The following DENND5A variants were observed in gnomAD, a reference collection of about 807,000 sequenced individuals.
DENND5A encodes the protein DENN domain containing 5A, also known as DENN domain-containing protein 5A.
Under a neutral mutation model 140.3 loss-of-function variants are expected in DENND5A, and 64 were observed. The observed-to-expected ratio is 0.46, with a 90% CI of 0.37 to 0.56. The LOEUF is 0.56. DENND5A is among the 20% of genes least tolerant of loss of function. The pLI is 0.00. For synonymous variants in DENND5A, 605 were observed against 607.7 expected (o/e 1.00, Z 0.07); for missense variants, 1,292 against 1,593.8 (o/e 0.81, Z 3.22).
At chr11:9,251,564 A>T (rs1851721170) in intron 1 of DENND5A, among the ~76,000 whole-genome samples, 1 of 151,982 alleles carries the variant, frequency 6.6e-6, no homozygotes, top group Non-Finnish European at 1.5e-5. Context: ...ACACACTCTC[A>T]TTTTCTGCCA....
rs575986067 is a variant in DENND5A at position 9,165,062 on chromosome 11, C to T, written c.2283+774G>A. ...TCGCCCAGGCTGGAGTGCAATGGCG[C>T]GATCTCGGCTCACTGCAACCTCCGC... is the stretch of plus-strand genomic sequence containing the variant. On this transcript the variant is annotated intron_variant, in intron 11 of 22. Transcript: ENST00000328194. Among the ~76,000 whole-genome samples the T allele has an allele frequency of 1.2e-4, 18 of 152,250 alleles. 1 individual carries two copies. The South Asian group carries it at 3.5e-3, about 30-fold the overall frequency.
In DENND5A at chr11:9,169,932, G is replaced by A. The variant is rs960243198; in HGVS notation, c.2075C>T (p.Ala692Val). Reference sequence around the variant, plus strand: ...ATCTTTCCGCCTCCACTGGGCAGGGGCATTCCTTTTCGTCCACCTAACACA... The same window carrying A: ...ATCTTTCCGCCTCCACTGGGCAGGGACATTCCTTTTCGTCCACCTAACACA... ...PASNKWTKRNAPAQWRRKDRQ... is the reference protein window; with the variant it reads ...PASNKWTKRNVPAQWRRKDRQ... Residue 692 changes from alanine to valine, a missense_variant, in exon 10 of 23, where the codon GCC becomes GTC. Coordinates refer to ENST00000328194, the MANE Select transcript of DENND5A (RefSeq NM_015213.4). The A allele has an allele frequency of 1.2e-6, 2 of 1,613,168 alleles. No individual in the cohort carries two copies. The highest frequency in any genetic ancestry group is 2.2e-5 in the East Asian group (1 of 44,878).
Position 9,203,901 on chromosome 11 carries a change from A to AGG in DENND5A, c.706_707dup (p.Pro237LeufsTer25), listed in dbSNP as rs763919016. On this transcript the variant is annotated frameshift_variant, in exon 4 of 23. Coordinates refer to ENST00000328194, the MANE Select transcript of DENND5A (RefSeq NM_015213.4). LOFTEE classifies it high-confidence loss of function. ...ATATGTAGCTCTCAAGGGGCAGTGG[A>AGG]GGGGGCTGAGGTGAAGTGACTGCCT... 1 of 1,614,050 alleles carries AGG rather than the reference A, an allele frequency of 6.2e-7. No individual in the cohort carries two copies. The highest frequency in any genetic ancestry group is 1.1e-5 in the South Asian group (1 of 91,076).
chr11:9,180,686 T>C (rs1848696698), intron 6 of DENND5A, 81 bp downstream of exon 6: 2 of 1,402,838 alleles, frequency 1.4e-6, no homozygotes, highest in Middle Eastern at 1.9e-4. Context: ...AACTGGGTGC[T>C]TTCTCATCCC....
At position 9,259,040 on chromosome 11, in the gene DENND5A, C is replaced by T. The variant is rs186910460; in HGVS notation, c.109+5921G>A. On this transcript the variant is annotated intron_variant, in intron 1 of 22. Transcript: ENST00000328194. ...CTTTGGGAGGCCGAGGCGGGCAGAT[C>T]AACTGAGGTCAGGAGTTCAAGACCA... 9.1e-3 allele frequency among the ~76,000 whole-genome samples: 1,381 copies of T among 152,260 alleles called. 18 individuals are homozygous for T. The highest frequency in any genetic ancestry group is 0.032 in the African/African-American group (1,332 of 41,544).
At chr11:9,203,457 A>G in intron 4 of DENND5A, 1 of 545,624 alleles carries the variant, frequency 1.8e-6, no homozygotes, top group Non-Finnish European at 3.2e-6. Flanking sequence ...TGGAATGCCC[A>G]GCAAAAGGCC....
At chr11:9,229,939 C>T (rs1341002193) in intron 1 of DENND5A, among the ~76,000 whole-genome samples, 2 of 106,656 alleles carry the variant, frequency 1.9e-5, no homozygotes, top group African/African-American at 3.7e-5. Flanking sequence ...CAGTCTTGCT[C>T]TGTCACCCAG....
In DENND5A at chr11:9,139,665, G is replaced by A. The variant is rs1475750229; in HGVS notation, c.*6C>T. Reference sequence around the variant, plus strand: ...CTCAGTCCTGCTGCTGGCTGGTGCTGGGAGGTCAGATGTCGATGCCCTTGA... The same window carrying A: ...CTCAGTCCTGCTGCTGGCTGGTGCTAGGAGGTCAGATGTCGATGCCCTTGA... On this transcript the variant is annotated 3_prime_UTR_variant, in exon 23 of 23. Transcript: ENST00000328194. 2 of 1,612,142 alleles carry A rather than the reference G, an allele frequency of 1.2e-6. No homozygotes were observed. The highest frequency in any genetic ancestry group is 1.3e-5 in the African/African-American group (1 of 74,886).
intron 12 of DENND5A, among the ~76,000 whole-genome samples, chr11:9,156,641 A>C (rs1364456159): frequency 6.6e-6 from 1 of 151,718 alleles, no homozygotes; most frequent in Non-Finnish European, 1.5e-5. Flanking sequence ...AAAAAAAAAA[A>C]AGATACAAAA....
At chr11:9,231,971 G>C (rs1474707370) in intron 1 of DENND5A, among the ~76,000 whole-genome samples, 1 of 151,924 alleles carries the variant, frequency 6.6e-6, no homozygotes, top group Non-Finnish European at 1.5e-5. Context: ...AGGCCCAGCT[G>C]TGACAGCAAT....
chr11:9,149,918 A>G (rs150905181), intron 15 of DENND5A, among the ~76,000 whole-genome samples, 163 bp downstream of exon 15: 2 of 152,340 alleles, frequency 1.3e-5, no homozygotes, highest in Non-Finnish European at 2.9e-5. Context: ...TCTTCTACTG[A>G]TAAAAAGGGA....
At chr11:9,264,757 C>G (rs1481540769) in intron 1 of DENND5A, among the ~76,000 whole-genome samples, 3 of 152,164 alleles carry the variant, frequency 2.0e-5, no homozygotes, top group Non-Finnish European at 4.4e-5. Context: ...CGCAGCGGGC[C>G]GTAGGTTTGG....
chr11:9,161,753 G>A (rs1847991329), intron 11 of DENND5A, among the ~76,000 whole-genome samples: 1 of 152,066 alleles, frequency 6.6e-6, no homozygotes, highest in Non-Finnish European at 1.5e-5. Context: ...CTAACAATCT[G>A]AGGTAACTAT....
chr11:9,245,055 C>T (rs564325297), intron 1 of DENND5A, among the ~76,000 whole-genome samples: 2 of 151,656 alleles, frequency 1.3e-5, no homozygotes, highest in Non-Finnish European at 2.9e-5. Context: ...GAGGCCAAGG[C>T]GGGTGAATCA....
intron 1 of DENND5A, among the ~76,000 whole-genome samples, chr11:9,244,310 A>G (rs1188355551): frequency 6.6e-6 from 1 of 152,214 alleles, no homozygotes; most frequent in Non-Finnish European, 1.5e-5. Context: ...TGATTAGGCC[A>G]TGAGAGCTGC....
intron 1 of DENND5A, among the ~76,000 whole-genome samples, chr11:9,254,868 C>T (rs577101456): frequency 7.2e-5 from 11 of 151,998 alleles, no homozygotes; most frequent in African/African-American, 2.4e-4. Flanking sequence ...GTCAAGAGTT[C>T]GAGACCAGCC....
intron 21 of DENND5A, 124 bp from the exon 22 acceptor site, chr11:9,142,232 G>T: frequency 1.5e-6 from 1 of 680,702 alleles, no homozygotes. Flanking sequence ...TAGCACAAGT[G>T]TTCTGATGTC....
At chr11:9,154,728 G>GA (rs140840397) in intron 12 of DENND5A, among the ~76,000 whole-genome samples, 6,581 of 144,870 alleles carry the variant, frequency 0.045, 441 homozygotes, top group African/African-American at 0.15. Context: ...ACAAATATTT[G>GA]AAAAAAAAAA....
intron 1 of DENND5A, among the ~76,000 whole-genome samples, chr11:9,240,180 G>A (rs888664716): frequency 1.3e-5 from 2 of 152,078 alleles, no homozygotes; most frequent in Non-Finnish European, 2.9e-5. Flanking sequence ...GGCCAAGGCT[G>A]GTCAGGAGTT....
Sources: gnomAD v4.1 joint callset for allele counts (sites outside exome capture counted in the v4.1 genomes callset) on GRCh38, gnomAD v4.1.1 for gene constraint, MANE v1.5 for transcripts, NCBI Gene and HGNC (gene_info 2026-07-23, HGNC 2026-07-21) for gene names.